The following PLCZ1 variants were observed in gnomAD, a reference collection of about 807,000 sequenced individuals.
PLCZ1 encodes the protein 1-phosphatidylinositol 4,5-bisphosphate phosphodiesterase zeta-1.
In PLCZ1, 64 loss-of-function variants were observed where a neutral mutation model predicts 76.8. The observed-to-expected ratio is 0.83, with a 90% CI of 0.68 to 1.03. The LOEUF is 1.03. Among genes scored for constraint, PLCZ1 ranks in the 50% least tolerant of loss-of-function variants. The pLI, the probability that PLCZ1 is intolerant of heterozygous loss-of-function variation, is 0.00. For synonymous variants in PLCZ1, 248 were observed against 230.8 expected, an observed-to-expected ratio of 1.07 and a Z score of -0.68; for missense variants, 751 against 713.7, an observed-to-expected ratio of 1.05 and a Z score of -0.60.
chr12:18,716,946 A>G (rs970112988), intron 5 of PLCZ1, among the ~76,000 whole-genome samples: 2 of 152,270 alleles, frequency 1.3e-5, no homozygotes, highest in Non-Finnish European at 1.5e-5. Flanking sequence ...GAGATACACA[A>G]TGGTTATATC....
intron 6 of PLCZ1, among the ~76,000 whole-genome samples, chr12:18,711,323 G>T (rs1355347859): frequency 1.5e-5 from 2 of 133,598 alleles, no homozygotes; most frequent in Non-Finnish European, 3.1e-5. Flanking sequence ...TCATAGGTGG[G>T]AATTGAACAA....
intron 3 of PLCZ1, among the ~76,000 whole-genome samples, chr12:18,725,631 T>A (rs1958710580): frequency 6.6e-6 from 1 of 152,148 alleles, no homozygotes; most frequent in African/African-American, 2.4e-5. Context: ...CTGTATTGTG[T>A]AGCATCCAAG....
At chr12:18,686,822 G>A (rs1357029907) in intron 13 of PLCZ1, among the ~76,000 whole-genome samples, 1 of 152,006 alleles carries the variant, frequency 6.6e-6, no homozygotes, top group Non-Finnish European at 1.5e-5. Flanking sequence ...TTACTACTCA[G>A]CACAAGGCTT....
rs1314287874 is a variant in PLCZ1, at chr12:18,736,205, G to GT, written c.135+15dup. The GT allele has an allele frequency of 3.1e-6, 5 of 1,610,804 alleles. No homozygotes were observed. The highest frequency in any genetic ancestry group is 2.2e-5 in the South Asian group (2 of 90,988). On this transcript the variant is annotated intron_variant, in intron 3 of 14. Transcript: ENST00000266505. ...CCACCTAGGATAGGATAGGCAGGGG[G>GT]TGGATGTCATCTTACCTTAAAAATC...
At chr12:18,668,967 G>C in the PLCZ1 span, among the ~76,000 whole-genome samples, 5 of 152,024 alleles carry the variant, frequency 3.3e-5, no homozygotes, top group African/African-American at 9.7e-5. Context: ...GAGATTAAGA[G>C]AGAAGCTCCA....
chr12:18,664,389 T>C, the PLCZ1 span, among the ~76,000 whole-genome samples: 2 of 152,152 alleles, frequency 1.3e-5, no homozygotes, highest in Non-Finnish European at 2.9e-5. Flanking sequence ...GATACATAAA[T>C]GGATAAGGAA....
chr12:18,710,949 G>A (rs916184900), intron 6 of PLCZ1, among the ~76,000 whole-genome samples: 7 of 152,048 alleles, frequency 4.6e-5, no homozygotes, highest in African/African-American at 1.2e-4. Context: ...CTGTAAACTA[G>A]TTCAACCATT....
At chr12:18,691,426 T>G (rs1467870061) in intron 12 of PLCZ1, among the ~76,000 whole-genome samples, 1 of 152,136 alleles carries the variant, frequency 6.6e-6, no homozygotes, top group Non-Finnish European at 1.5e-5. Context: ...TTGTTGGTGG[T>G]GAAACTATGA....
At chr12:18,718,805 G>C (rs1010270729) in intron 5 of PLCZ1, among the ~76,000 whole-genome samples, 2 of 152,162 alleles carry the variant, frequency 1.3e-5, no homozygotes, top group Non-Finnish European at 2.9e-5. Context: ...CTTGTACACA[G>C]ATAAATGTAG....
At chr12:18,697,209 A>C (rs1955187241) in intron 10 of PLCZ1, among the ~76,000 whole-genome samples, 1 of 152,138 alleles carries the variant, frequency 6.6e-6, no homozygotes, top group Non-Finnish European at 1.5e-5. Context: ...TCATTTGCTA[A>C]ACCAACTAGA....
chr12:18,669,077 A>G, the PLCZ1 span, among the ~76,000 whole-genome samples: 1 of 152,186 alleles, frequency 6.6e-6, no homozygotes, highest in Non-Finnish European at 1.5e-5. Context: ...TCTGTTCTGC[A>G]TTTTCATGGT....
At chr12:18,676,139 C>A in the PLCZ1 span, among the ~76,000 whole-genome samples, 1 of 152,016 alleles carries the variant, frequency 6.6e-6, no homozygotes, top group Non-Finnish European at 1.5e-5. Flanking sequence ...GACTGTGAGG[C>A]AAGAGACAGC....
At chr12:18,711,242 G>A (rs1957279379) in intron 6 of PLCZ1, among the ~76,000 whole-genome samples, 1 of 151,570 alleles carries the variant, frequency 6.6e-6, no homozygotes. Context: ...TAGAGACATG[G>A]ATGAAACTGG....
At chr12:18,693,763 G>A (rs1032164236) in intron 12 of PLCZ1, 60 of 1,514,704 alleles carry the variant, frequency 4.0e-5, no homozygotes, top group Non-Finnish European at 5.2e-5. Flanking sequence ...AAGCTATCAT[G>A]GCCACAAACC....
At chr12:18,714,580 G>T (rs965150034) in intron 5 of PLCZ1, 1 of 152,124 alleles carries the variant, frequency 6.6e-6, no homozygotes, top group Non-Finnish European at 1.5e-5. Context: ...TACATAATAG[G>T]AAAGAGGTTA....
At chr12:18,723,285 G>T (rs747300999) in intron 4 of PLCZ1, 26 bp downstream of exon 4, 3 of 1,567,640 alleles carry the variant, frequency 1.9e-6, no homozygotes, top group South Asian at 2.3e-5. Context: ...TAAATATTCC[G>T]ATAAAAGTTT....
chr12:18,715,452 G>T (rs1286130123), intron 5 of PLCZ1, among the ~76,000 whole-genome samples: 2 of 150,944 alleles, frequency 1.3e-5, no homozygotes, highest in Admixed American at 1.3e-4. Context: ...CCCAGACTGG[G>T]GTGCAGTGGC....
At chr12:18,717,367 T>C (rs1390101191) in intron 5 of PLCZ1, among the ~76,000 whole-genome samples, 1 of 152,200 alleles carries the variant, frequency 6.6e-6, no homozygotes, top group Non-Finnish European at 1.5e-5. Flanking sequence ...TACTTAGATT[T>C]GAAATTAGAG....
At position 18,701,522 on chromosome 12, in the gene PLCZ1, T is replaced by C; in HGVS notation, c.996A>G (p.Val332=). The change falls in exon 9 of 15, where the codon GTA becomes GTG. Residue 332 remains valine (V), a synonymous_variant. Transcript: ENST00000266505. ...TCACCTTCTTTTTCTTGAAAAGCAT[T>C]ACTCCAGGTAACTTTTTTACCCCTG... The part of the protein sequence containing the change: ...KETGVKKLPG[V]MLFKKKKTRK... The C allele has an allele frequency of 6.2e-7, 1 of 1,614,074 alleles. No individual in the cohort carries two copies.
Sources: allele counts gnomAD v4.1 joint callset (sites outside exome capture counted in the v4.1 genomes callset), GRCh38; gene constraint gnomAD v4.1.1; transcripts MANE v1.5; gene names NCBI Gene and HGNC (gene_info 2026-07-23, HGNC 2026-07-21).